ARL13B: variants seen among roughly 807,000 people sequenced by gnomAD.
ARL13B encodes the protein ADP-ribosylation factor-like protein 13B.
Under a neutral mutation model 56.1 loss-of-function variants are expected in ARL13B, and 36 were observed. The ratio of observed to expected loss-of-function variants is 0.64; its 90% CI spans 0.49 to 0.85. The LOEUF is 0.85. Among genes scored for constraint, ARL13B ranks in the 40% least tolerant of loss-of-function variants. ARL13B has a pLI of 0.00. For missense variants in ARL13B, 519 were observed against 507.1 expected, an observed-to-expected ratio of 1.02 and a Z score of -0.23; for synonymous variants, 178 against 171.1, an observed-to-expected ratio of 1.04 and a Z score of -0.32.
rs528111304 is a variant in ARL13B, at chr3:94,001,846, A to G, written c.131-1813A>G. ...AAAGACAGCTGCCTATTTTATCCAC[A>G]CAAACTACTTCTGGTTAAGCTTAGA... On this transcript the variant is annotated intron_variant, in intron 2 of 9. Transcript: ENST00000394222. Among the ~76,000 whole-genome samples, 13 of 152,272 alleles carry G rather than the reference A, an allele frequency of 8.5e-5. No homozygotes were observed. The South Asian group carries it at 2.7e-3, about 32-fold the overall frequency.
At chr3:94,030,890 T>TCTG (rs1173215985) in intron 3 of ARL13B, among the ~76,000 whole-genome samples, 1 of 152,128 alleles carries the variant, frequency 6.6e-6, no homozygotes, top group African/African-American at 2.4e-5. Context: ...ACAAATAAGA[T>TCTG]CTAAGGCTGG....
At chr3:94,050,053 A>G (rs2077045086) in intron 8 of ARL13B, among the ~76,000 whole-genome samples, 2 of 151,104 alleles carry the variant, frequency 1.3e-5, no homozygotes, top group Non-Finnish European at 2.9e-5. Context: ...AATCCCAGCT[A>G]CTCAGGAGGC....
At chr3:94,023,755 A>G (rs1393954374) in intron 3 of ARL13B, among the ~76,000 whole-genome samples, 1 of 152,154 alleles carries the variant, frequency 6.6e-6, no homozygotes, top group Non-Finnish European at 1.5e-5. Context: ...CTAGTGAAAT[A>G]TACACAAATA....
intron 1 of ARL13B, among the ~76,000 whole-genome samples, chr3:93,986,474 T>C (rs1157392127): frequency 5.3e-5 from 8 of 152,254 alleles, no homozygotes; most frequent in African/African-American, 1.9e-4. Context: ...TTCTCACATA[T>C]GTATCATAAA....
At chr3:94,035,657 T>G (rs1004071887) in intron 4 of ARL13B, among the ~76,000 whole-genome samples, 1 of 152,200 alleles carries the variant, frequency 6.6e-6, no homozygotes, top group African/African-American at 2.4e-5. Context: ...TTTCCATGAT[T>G]TCAAGGAGCT....
chr3:94,050,924 T>C (rs755783329), intron 9 of ARL13B, 32 bp downstream of exon 9: 2 of 1,581,410 alleles, frequency 1.3e-6, no homozygotes, highest in Non-Finnish European at 1.7e-6. Flanking sequence ...TCAGATATCA[T>C]CTGTACATGT....
chr3:94,044,113 G>A (rs535748082), intron 7 of ARL13B, among the ~76,000 whole-genome samples: 56 of 151,786 alleles, frequency 3.7e-4, no homozygotes, highest in Admixed American at 1.3e-3. Flanking sequence ...CTGCCTGGCC[G>A]CCCATCGTCT....
intron 3 of ARL13B, among the ~76,000 whole-genome samples, chr3:94,024,662 T>C (rs921068064): frequency 1.3e-5 from 2 of 152,202 alleles, no homozygotes; most frequent in Non-Finnish European, 2.9e-5. Context: ...TGCGGCTCAC[T>C]GCAGCCTCTA....
rs74546903 is a variant in ARL13B at position 93,998,243 on chromosome 3, T to G, written c.130+2299T>G. Among the ~76,000 whole-genome samples the G allele has an allele frequency of 1.2e-3, 182 of 152,306 alleles. 6 individuals carry two copies. The East Asian group carries it at 0.032, about 27-fold the overall frequency. ...TTATCCATTCCTCTAAAGCCTGACA[T>G]TCATGGGAGCAGGCACCTTAGAATG... is the stretch of plus-strand genomic sequence containing the variant. On this transcript the variant is annotated intron_variant, in intron 2 of 9. Transcript: ENST00000394222.
At position 94,015,077 on chromosome 3, in the gene ARL13B, C is replaced by G. The variant is rs756694465; in HGVS notation, c.380+11169C>G. The G allele has an allele frequency of 5.0e-6, 8 of 1,613,836 alleles. No individual in the cohort carries two copies. The South Asian group carries it at 8.8e-5, about 18-fold the overall frequency. On this transcript the variant is annotated intron_variant, in intron 3 of 9. Transcript: ENST00000394222. Reference sequence around the variant, plus strand: ...TGCCCAAATTTTTGAACATTATCTGCCAAATTGTTAATACTTTCCTGTAGT... The same window carrying G: ...TGCCCAAATTTTTGAACATTATCTGGCAAATTGTTAATACTTTCCTGTAGT...
At chr3:94,015,002 T>A in intron 3 of ARL13B, 1 of 1,614,064 alleles carries the variant, frequency 6.2e-7, no homozygotes, top group African/African-American at 1.3e-5. Context: ...GTAGACTCTC[T>A]CTTAAGTAGA....
rs555854075 is a variant in ARL13B at position 94,003,362 on chromosome 3, G to A, written c.131-297G>A. ...ATTTTTATTGTTTGTAACTTGGACA[G>A]TAAATAGCCTTAAAGGCAAGAGTTT... is the stretch of plus-strand genomic sequence containing the variant. On this transcript the variant is annotated intron_variant, in intron 2 of 9. Coordinates refer to ENST00000394222, the MANE Select transcript of ARL13B (RefSeq NM_001174150.2). 3.9e-5 allele frequency among the ~76,000 whole-genome samples: 6 copies of A among 152,252 alleles called. No individual in the cohort carries two copies. In the East Asian group the frequency reaches 9.6e-4, roughly 24 times the overall value.
At chr3:94,050,766 A>G (rs563542746) in intron 8 of ARL13B, 58 bp from the exon 9 acceptor site, 60 of 1,456,870 alleles carry the variant, frequency 4.1e-5, no homozygotes, top group Admixed American at 3.6e-4. Context: ...GATCCTCTCA[A>G]CAGACCTAAA....
At chr3:94,021,201 A>AT (rs887213568) in intron 3 of ARL13B, among the ~76,000 whole-genome samples, 13 of 141,654 alleles carry the variant, frequency 9.2e-5, no homozygotes, top group East Asian at 2.0e-4. Flanking sequence ...TATATATATA[A>AT]TTTTTTTTTT....
At chr3:94,022,760 G>A (rs1344877794) in intron 3 of ARL13B, among the ~76,000 whole-genome samples, 1 of 151,914 alleles carries the variant, frequency 6.6e-6, no homozygotes, top group Non-Finnish European at 1.5e-5. Context: ...GAACATAAAT[G>A]TATATTATGG....
intron 3 of ARL13B, among the ~76,000 whole-genome samples, chr3:94,023,028 T>C (rs1363805893): frequency 6.6e-6 from 1 of 152,022 alleles, no homozygotes; most frequent in Non-Finnish European, 1.5e-5. Flanking sequence ...AACCTGATTG[T>C]GTTAGAATTT....
chr3:93,984,048 A>G (rs1710339384), intron 1 of ARL13B, among the ~76,000 whole-genome samples: 1 of 152,198 alleles, frequency 6.6e-6, no homozygotes, highest in Non-Finnish European at 1.5e-5. Flanking sequence ...AGTTAGAGGA[A>G]AGGAAATGTT....
chr3:94,012,338 T>C (rs558378429), intron 3 of ARL13B, among the ~76,000 whole-genome samples: 9 of 152,290 alleles, frequency 5.9e-5, no homozygotes, highest in African/African-American at 1.9e-4. Flanking sequence ...CAAGATAGCA[T>C]CTTTGATTTC....
chr3:94,040,276 C>G (rs1383457061), intron 6 of ARL13B, among the ~76,000 whole-genome samples: 1 of 152,034 alleles, frequency 6.6e-6, no homozygotes. Flanking sequence ...CAAATCTATT[C>G]TGTCATTTAT....
Sources: allele counts gnomAD v4.1 joint callset (sites outside exome capture counted in the v4.1 genomes callset), GRCh38; gene constraint gnomAD v4.1.1; transcripts MANE v1.5; gene names NCBI Gene and HGNC (gene_info 2026-07-23, HGNC 2026-07-21).